GPR139: variants seen among roughly 807,000 people sequenced by gnomAD.
GPR139 encodes the protein probable G protein-coupled receptor 139.
GPR139 carries 12 observed loss-of-function variants against 25.8 expected under a neutral mutation model. That is an observed-to-expected ratio of 0.47 (90% CI 0.30 to 0.75). The LOEUF (loss-of-function observed/expected upper bound fraction) is 0.75. Among genes scored for constraint, GPR139 ranks in the 30% least tolerant of loss-of-function variants. The pLI, the probability that GPR139 is intolerant of heterozygous loss-of-function variation, is 0.07. For missense variants in GPR139, 380 were observed against 450.2 expected (o/e 0.84, Z 1.41); for synonymous variants, 184 against 179.9 (o/e 1.02, Z -0.18).
rs1295913117 is a variant in GPR139 at position 20,038,329 on chromosome 16, A to ATATG, written c.128-5661_128-5660insCATA. ...GTTTAAGTTCCTGGATAATATATAT[A>ATATG]TGTGTGTGTGTGTGTGTGTGTGTGT... On this transcript the variant is annotated intron_variant, in intron 1 of 1. Transcript: ENST00000570682. Among the ~76,000 whole-genome samples the ATATG allele has an allele frequency of 7.5e-4, 72 of 95,956 alleles. 1 individual carries two copies. The highest frequency in any genetic ancestry group is 2.2e-3 in the African/African-American group (67 of 30,696). The allele number at this position is 95,956 out of a possible 152,430, so 63.0% of individuals were successfully genotyped here.
At chr16:20,044,240 T>TA (rs1317091312) in intron 1 of GPR139, among the ~76,000 whole-genome samples, 6 of 152,242 alleles carry the variant, frequency 3.9e-5, no homozygotes, top group African/African-American at 1.4e-4. Context: ...AACAGTCTTC[T>TA]GGTATATTTC....
chr16:20,052,051 C>A (rs181652486), intron 1 of GPR139, among the ~76,000 whole-genome samples: 148 of 152,280 alleles, frequency 9.7e-4, no homozygotes, highest in African/African-American at 3.4e-3. Flanking sequence ...TTTTACTCAC[C>A]CCTCCTGCCC....
chr16:20,029,392 G>C lies in GPR139; in HGVS notation c.*2343C>G, dbSNP rs1221927930. ...TTATATACATTCTCAAAAAGGAATTGCTTAACCTTTGTAGATATTGCACTT... is the reference window on the plus strand; with the variant it reads ...TTATATACATTCTCAAAAAGGAATTCCTTAACCTTTGTAGATATTGCACTT... On this transcript the variant is annotated 3_prime_UTR_variant, in exon 2 of 2. Transcript: ENST00000570682. Among the ~76,000 whole-genome samples, 1 of 151,814 alleles carries C rather than the reference G, an allele frequency of 6.6e-6. No individual in the cohort carries two copies.
chr16:20,037,335 G>A (rs969819086), intron 1 of GPR139, among the ~76,000 whole-genome samples: 6 of 151,516 alleles, frequency 4.0e-5, no homozygotes, highest in East Asian at 3.9e-4. Context: ...GCCTATAATC[G>A]CAGCTACTCG....
intron 1 of GPR139, among the ~76,000 whole-genome samples, chr16:20,034,923 TG>T (rs1250844579): frequency 6.6e-6 from 1 of 152,214 alleles, no homozygotes; most frequent in African/African-American, 2.4e-5. Flanking sequence ...AGGATTTTGC[TG>T]TTATAAACCA....
intron 1 of GPR139, among the ~76,000 whole-genome samples, chr16:20,068,236 CAAA>C (rs10534277): frequency 0.21 from 22,496 of 108,166 alleles, 1,469 homozygotes; most frequent in South Asian, 0.34. Context: ...CTATTTAATG[CAAA>C]AAAAAAAAAA....
rs2057292031 is a variant in GPR139, at chr16:20,032,130, T to G, written c.667A>C (p.Thr223Pro). ...KSNFRLRGYS[T>P]GKTTAILFTI... is the part of the protein sequence containing the mutation. ...AACAAGATGGCGGTGGTCTTCCCCGTGGAGTAGCCACGGAGACGAAAATTG... is the reference window on the plus strand; with the variant it reads ...AACAAGATGGCGGTGGTCTTCCCCGGGGAGTAGCCACGGAGACGAAAATTG... The change falls in exon 2 of 2, where the codon ACG becomes CCG. Residue 223 changes from threonine (T) to proline (P), a missense_variant. Coordinates refer to ENST00000570682, the MANE Select transcript of GPR139 (RefSeq NM_001002911.4). The G allele has an allele frequency of 3.1e-6, 5 of 1,613,978 alleles. No homozygotes were observed. In the South Asian group the frequency reaches 5.5e-5, roughly 18 times the overall value.
chr16:20,031,545 TA>T lies in GPR139; in HGVS notation c.*189del. 1.7e-6 allele frequency: 1 copy of T among 595,962 alleles called. No homozygotes were observed. The allele number at this position is 595,962 out of a possible 1,614,324, so 36.9% of individuals were successfully genotyped here. ...GACTCTGTGGAAATAAATGCATAAGTAAAAACAAGCTTCATGCTCTCCTTTC... is the reference window on the plus strand; with the variant it reads ...GACTCTGTGGAAATAAATGCATAAGTAAAACAAGCTTCATGCTCTCCTTTC... On this transcript the variant is annotated 3_prime_UTR_variant, in exon 2 of 2. Coordinates refer to ENST00000570682, the MANE Select transcript of GPR139 (RefSeq NM_001002911.4).
At chr16:20,072,111 T>C (rs2057461707) in intron 1 of GPR139, among the ~76,000 whole-genome samples, 1 of 152,032 alleles carries the variant, frequency 6.6e-6, no homozygotes. Context: ...CAGCTCAAGG[T>C]AATTACAGGA....
Position 20,073,395 on chromosome 16 carries a change from G to T in GPR139, c.127+95C>A, listed in dbSNP as rs73531519. On this transcript the variant is annotated intron_variant, in intron 1 of 1. Transcript: ENST00000570682. This position sits in a 1 kb window ranked among gnomAD's most constrained non-coding sequence, Gnocchi z 4.7. ...AAGCTTAAACTTTTTCCGAGGGGGC[G>T]CCAGGGAACGCACGGGGGAGGACGG... The T allele has an allele frequency of 2.0e-6, 3 of 1,525,856 alleles. No individual in the cohort carries two copies. The highest frequency in any genetic ancestry group is 2.4e-5 in the East Asian group (1 of 40,908). 94.5% of individuals were successfully genotyped at this position (1,525,856 alleles called of 1,614,324 possible). A position where few individuals can be genotyped will look rare whatever the true frequency, so the allele number is the denominator to read the frequency against.
rs1207027762 is a variant in GPR139, at chr16:20,031,249, G to T, written c.*486C>A. On this transcript the variant is annotated 3_prime_UTR_variant, in exon 2 of 2. Coordinates refer to ENST00000570682, the MANE Select transcript of GPR139 (RefSeq NM_001002911.4). ...CCCTCTCTAGGACAAAGGGCACCTT[G>T]AAAAAAATCCTGAAATAGTCATTAT... is the stretch of plus-strand genomic sequence containing the variant. 2.0e-5 allele frequency among the ~76,000 whole-genome samples: 3 copies of T among 152,002 alleles called. No individual in the cohort carries two copies. Among genetic ancestry groups the T allele is most frequent in the Non-Finnish European group, 2.9e-5 (2 of 67,990 alleles).
Position 20,032,241 on chromosome 16 carries a change from T to A in GPR139, c.556A>T (p.Ile186Phe). The A allele has an allele frequency of 6.2e-7, 1 of 1,614,052 alleles. No individual in the cohort carries two copies. The highest frequency in any genetic ancestry group is 8.5e-7 in the Non-Finnish European group (1 of 1,179,986). The part of the protein sequence containing the change: ...STSVHHVLIW[I>F]HCFTVYLVPC... ...ACCAGGTAGACGGTGAAGCAGTGGA[T>A]CCAGATGAGGACGTGATGCACAGAG... The change falls in exon 2 of 2, where the codon ATC (isoleucine) becomes TTC (phenylalanine). Residue 186 changes from isoleucine to phenylalanine, a missense_variant. By Grantham distance (21) the Ile-to-Phe change is conservative. Coordinates refer to ENST00000570682, the MANE Select transcript of GPR139 (RefSeq NM_001002911.4).
intron 1 of GPR139, among the ~76,000 whole-genome samples, chr16:20,054,567 G>A (rs1214978543): frequency 3.9e-5 from 6 of 152,188 alleles, no homozygotes; most frequent in Non-Finnish European, 5.9e-5. Flanking sequence ...AGAAGATTCC[G>A]TTTTACAACG....
chr16:20,058,788 C>T (rs1358730193), intron 1 of GPR139, among the ~76,000 whole-genome samples: 1 of 152,184 alleles, frequency 6.6e-6, no homozygotes, highest in Non-Finnish European at 1.5e-5. Context: ...TTGCCTCTGT[C>T]GGACAGCAGC....
chr16:20,041,246 GAGAGGGAAGGAGAAAAGAAA>G lies in GPR139; in HGVS notation c.128-8597_128-8578del, dbSNP rs1567236058. Among the ~76,000 whole-genome samples the G allele has an allele frequency of 7.1e-4, 5 of 7,050 alleles. 1 individual carries two copies. The highest frequency in any genetic ancestry group is 2.1e-3 in the East Asian group (1 of 474). 4.6% of individuals were successfully genotyped at this position (7,050 alleles called of 152,430 possible). A position where few individuals can be genotyped will look rare whatever the true frequency, so the allele number is the denominator to read the frequency against. ...GAGAGGAGAGGAGAGGAGAGGAGAG[GAGAGGGAAGGAGAAAAGAAA>G]AGCATCTCTCTCTGACAAAGTTGCC... On this transcript the variant is annotated intron_variant, in intron 1 of 1. Transcript: ENST00000570682.
chr16:20,048,007 T>C (rs1382390382), intron 1 of GPR139, among the ~76,000 whole-genome samples: 1 of 152,218 alleles, frequency 6.6e-6, no homozygotes, highest in East Asian at 1.9e-4. Context: ...GGGCAGGAAG[T>C]GTGCCTGCTT....
chr16:20,041,123 A>G (rs13333617), intron 1 of GPR139, among the ~76,000 whole-genome samples: 6,994 of 14,168 alleles, frequency 0.49, 1,583 homozygotes, highest in African/African-American at 0.69. Context: ...AAGGAAAGGA[A>G]AGGAAAGGAG....
chr16:20,032,072 G>A lies in GPR139; in HGVS notation c.725C>T (p.Ala242Val). 1 of 1,614,170 alleles carries A rather than the reference G, an allele frequency of 6.2e-7. No individual in the cohort carries two copies. The highest frequency in any genetic ancestry group is 8.5e-7 in the Non-Finnish European group (1 of 1,180,026). The change falls in exon 2 of 2, where the codon GCC becomes GTC. Residue 242 changes from alanine to valine, a missense_variant. Transcript: ENST00000570682. ...TITSIFATLWAPRIIMILYHL... is the reference protein window; with the variant it reads ...TITSIFATLWVPRIIMILYHL... ...GTAAAGAATCATGATGATGCGGGGG[G>A]CCCAAAGTGTGGCAAAGATGGAGGT... is the stretch of plus-strand genomic sequence containing the variant.
chr16:20,063,638 G>A (rs760485582), intron 1 of GPR139, among the ~76,000 whole-genome samples: 5 of 152,202 alleles, frequency 3.3e-5, no homozygotes, highest in Admixed American at 6.5e-5. Context: ...CTACAGACTT[G>A]TACCACCTAA....
Sources: gnomAD v4.1 joint callset for allele counts (sites outside exome capture counted in the v4.1 genomes callset) on GRCh38, gnomAD v4.1.1 for gene constraint, Gnocchi (gnomAD v3.1) non-coding constraint, MANE v1.5 for transcripts, NCBI Gene and HGNC (gene_info 2026-07-23, HGNC 2026-07-21) for gene names.